The following CADPS variants were observed in gnomAD, a reference collection of about 807,000 sequenced individuals.
CADPS encodes calcium dependent secretion activator, also known as calcium-dependent secretion activator 1.
In CADPS, 57 loss-of-function variants were observed where a neutral mutation model predicts 167.3. That is an observed-to-expected ratio of 0.34 (90% CI 0.28 to 0.42). The LOEUF is 0.42. Ranked by LOEUF, CADPS falls within the 20% of genes least tolerant of loss-of-function variation. The probability of loss-of-function intolerance (pLI) is 1.00; values close to 1 mark genes in which losing one functional copy is unlikely to be tolerated. For synonymous variants in CADPS, 676 were observed against 635.3 expected, an observed-to-expected ratio of 1.06 and a Z score of -0.96; for missense variants, 1,414 against 1,738.1, an observed-to-expected ratio of 0.81 and a Z score of 3.32.
At chr3:62,414,973 G>A (rs189389409) in intron 28 of CADPS, among the ~76,000 whole-genome samples, 731 of 152,212 alleles carry the variant, frequency 4.8e-3, no homozygotes, top group Admixed American at 7.5e-3. Flanking sequence ...GTCTGGGCAG[G>A]AAGTGACCGC....
chr3:62,812,734 A>T (rs983104974), intron 1 of CADPS, among the ~76,000 whole-genome samples: 3 of 152,090 alleles, frequency 2.0e-5, no homozygotes, highest in African/African-American at 7.2e-5. Flanking sequence ...TTGATGTTGG[A>T]CCCCTTTCTG....
intron 2 of CADPS, among the ~76,000 whole-genome samples, chr3:62,757,712 C>T (rs780303779): frequency 6.6e-6 from 1 of 152,044 alleles, no homozygotes; most frequent in African/African-American, 2.4e-5. Context: ...TCTGTTCTCA[C>T]GCAGCTAATA....
intron 13 of CADPS, chr3:62,530,927 AGCAG>A: frequency 2.8e-6 from 1 of 363,370 alleles, no homozygotes; most frequent in Non-Finnish European, 3.9e-6. Context: ...TGCATGAAAA[AGCAG>A]GCGCAAATGC....
At chr3:62,568,380 G>A (rs1380968960) in intron 9 of CADPS, among the ~76,000 whole-genome samples, 1 of 152,248 alleles carries the variant, frequency 6.6e-6, no homozygotes, top group African/African-American at 2.4e-5. Context: ...TGCCAGTGCA[G>A]CTAGAACGAA....
intron 1 of CADPS, among the ~76,000 whole-genome samples, chr3:62,803,625 T>C (rs1212197080): frequency 6.6e-6 from 1 of 152,118 alleles, no homozygotes; most frequent in Non-Finnish European, 1.5e-5. Flanking sequence ...CCACTTTTCA[T>C]CTGTAAAAGT....
chr3:62,728,040 A>G (rs528490965), intron 3 of CADPS, among the ~76,000 whole-genome samples: 13 of 152,010 alleles, frequency 8.6e-5, no homozygotes, highest in African/African-American at 2.7e-4. Flanking sequence ...TACAAGGCCA[A>G]TAGAGCATAT....
At chr3:62,769,984 G>A (rs529159608) in intron 1 of CADPS, among the ~76,000 whole-genome samples, 2 of 152,282 alleles carry the variant, frequency 1.3e-5, no homozygotes, top group East Asian at 1.9e-4. Context: ...TGGCATAAAA[G>A]AGCCAAATGA....
In CADPS at chr3:62,399,514, G is replaced by T. The variant is rs1559877203; in HGVS notation, c.3954C>A (p.Ile1318=). ...CTTCCTCCACAGTGAGACGGTTCCGGATCGTTTCATAGGTCTTGCTGTTTA... is the reference window on the plus strand; with the variant it reads ...CTTCCTCCACAGTGAGACGGTTCCGTATCGTTTCATAGGTCTTGCTGTTTA... The part of the protein sequence containing the change: ...STLNSKTYET[I]RNRLTVEEAT... Residue 1318 remains isoleucine (I), a synonymous_variant, in exon 30 of 30, where the codon ATC becomes ATA. Transcript: ENST00000383710. This position sits in a 1 kb window ranked among gnomAD's most constrained non-coding sequence, Gnocchi z 5.6. The T allele has an allele frequency of 6.2e-7, 1 of 1,614,092 alleles. No homozygotes were observed. Among genetic ancestry groups the T allele is most frequent in the Non-Finnish European group, 8.5e-7 (1 of 1,179,974 alleles).
chr3:62,578,636 TAA>T (rs2082793668), intron 8 of CADPS, among the ~76,000 whole-genome samples: 1 of 140,282 alleles, frequency 7.1e-6, no homozygotes, highest in Non-Finnish European at 1.5e-5. Context: ...AAAAAAGACT[TAA>T]CAATCTTAAA....
At chr3:62,460,875 C>T (rs1560676612) in intron 26 of CADPS, among the ~76,000 whole-genome samples, 2 of 152,194 alleles carry the variant, frequency 1.3e-5, no homozygotes, top group African/African-American at 2.4e-5. Context: ...AGGCTTTATT[C>T]TTCCTGTTGT....
chr3:62,470,005 T>C (rs572487625), intron 24 of CADPS, among the ~76,000 whole-genome samples: 1 of 152,350 alleles, frequency 6.6e-6, no homozygotes, highest in East Asian at 1.9e-4. Context: ...ATAGAACAGA[T>C]TGTGTGTATG....
intron 3 of CADPS, among the ~76,000 whole-genome samples, chr3:62,746,392 T>C (rs1439981753): frequency 2.6e-5 from 4 of 152,130 alleles, no homozygotes; most frequent in Admixed American, 2.6e-4. Flanking sequence ...AGTGCAGTGG[T>C]GGGTGTTTTC....
intron 1 of CADPS, among the ~76,000 whole-genome samples, chr3:62,791,075 A>G (rs2092900020): frequency 1.3e-5 from 2 of 152,160 alleles, no homozygotes; most frequent in African/African-American, 4.8e-5. Flanking sequence ...AGTGACTTAC[A>G]TATGACTAGG....
intron 28 of CADPS, among the ~76,000 whole-genome samples, chr3:62,409,886 A>T (rs1019704608): frequency 6.6e-6 from 1 of 152,224 alleles, no homozygotes; most frequent in Non-Finnish European, 1.5e-5. Flanking sequence ...TGTCATCAGG[A>T]AGCACTAGAA....
chr3:62,874,410 G>A lies in CADPS; in HGVS notation c.441+179C>T, dbSNP rs1026545909. ...TCAGCTCCAGGAGCGCTCCAGGCTG[G>A]GTTGGGCTGGGCCTGGGCGAGCCCG... On this transcript the variant is annotated intron_variant, in intron 1 of 29. Transcript: ENST00000383710. The surrounding 1 kb of genome is among the most constrained non-coding windows in gnomAD (Gnocchi z 7.1). Among the ~76,000 whole-genome samples the A allele has an allele frequency of 1.3e-5, 2 of 152,148 alleles. No homozygotes were observed. The highest frequency in any genetic ancestry group is 4.8e-5 in the African/African-American group (2 of 41,472).
At chr3:62,479,265 G>T (rs2061673328) in intron 22 of CADPS, among the ~76,000 whole-genome samples, 1 of 152,200 alleles carries the variant, frequency 6.6e-6, no homozygotes, top group Non-Finnish European at 1.5e-5. Flanking sequence ...CAAAAAGCCT[G>T]TGTATGAAAA....
intron 11 of CADPS, among the ~76,000 whole-genome samples, chr3:62,547,597 C>T (rs543312596): frequency 8.4e-6 from 1 of 118,648 alleles, no homozygotes; most frequent in South Asian, 3.4e-4. Flanking sequence ...CCCCCCCCCC[C>T]CCGCAAATTC....
chr3:62,491,226 TTC>T, intron 21 of CADPS, 111 bp downstream of exon 21: 1 of 1,178,938 alleles, frequency 8.5e-7, no homozygotes, highest in South Asian at 1.5e-5. Context: ...TGTATGGTGT[TTC>T]TCTCTGTCCA....
At chr3:62,714,089 C>T (rs2151853026) in intron 3 of CADPS, among the ~76,000 whole-genome samples, 1 of 152,112 alleles carries the variant, frequency 6.6e-6, no homozygotes, top group South Asian at 2.1e-4. Flanking sequence ...AATTAAGGAG[C>T]TGGGAACTAC....
Sources: gnomAD v4.1 joint callset for allele counts (sites outside exome capture counted in the v4.1 genomes callset) on GRCh38, gnomAD v4.1.1 for gene constraint, Gnocchi (gnomAD v3.1) non-coding constraint, MANE v1.5 for transcripts, NCBI Gene and HGNC (gene_info 2026-07-23, HGNC 2026-07-21) for gene names.